The following GTF2E2 variants were observed in gnomAD, a reference collection of about 807,000 sequenced individuals.
The protein encoded by GTF2E2 is transcription initiation factor IIE subunit beta.
Under a neutral mutation model 40.5 loss-of-function variants are expected in GTF2E2, and 21 were observed. The observed-to-expected ratio is 0.52, with a 90% confidence interval of 0.37 to 0.75. The LOEUF (loss-of-function observed/expected upper bound fraction) is 0.75. Ranked by LOEUF, GTF2E2 falls within the 30% of genes least tolerant of loss-of-function variation. The pLI is 0.00. For missense variants in GTF2E2, 298 were observed against 338.4 expected, an observed-to-expected ratio of 0.88 and a Z score of 0.94; for synonymous variants, 117 against 121.6, an observed-to-expected ratio of 0.96 and a Z score of 0.25.
At chr8:30,605,134 C>T (rs1410243568) in intron 6 of GTF2E2, among the ~76,000 whole-genome samples, 1 of 152,178 alleles carries the variant, frequency 6.6e-6, no homozygotes, top group Non-Finnish European at 1.5e-5. Flanking sequence ...CAACCACCCG[C>T]CTCAAGTTAA....
chr8:30,646,397 C>T (rs1802076060), intron 2 of GTF2E2, among the ~76,000 whole-genome samples: 3 of 151,634 alleles, frequency 2.0e-5, no homozygotes, highest in Admixed American at 6.6e-5. Context: ...CCACTCAACA[C>T]CTGTTGAAAT....
Position 30,594,665 on chromosome 8 carries a change from C to A in GTF2E2, c.643+12392G>T, listed in dbSNP as rs577538436. On this transcript the variant is annotated intron_variant, in intron 6 of 7. Transcript: ENST00000355904. ...CTGAGGTCAGAAGTTCGAGACCAGC[C>A]CAACCAACATGAAGAAATCCTGTCT... Among the ~76,000 whole-genome samples the A allele has an allele frequency of 3.0e-4, 45 of 151,728 alleles. No individual in the cohort carries two copies. In the South Asian group the frequency reaches 4.2e-3, roughly 14 times the overall value.
chr8:30,629,513 C>T (rs1445359377), intron 3 of GTF2E2, among the ~76,000 whole-genome samples: 9 of 151,826 alleles, frequency 5.9e-5, no homozygotes, highest in East Asian at 3.9e-4. Flanking sequence ...GGTGAAACCC[C>T]GTCTCTACTA....
intron 3 of GTF2E2, among the ~76,000 whole-genome samples, chr8:30,633,620 A>G (rs553874056): frequency 5.9e-5 from 9 of 152,222 alleles, no homozygotes; most frequent in Non-Finnish European, 1.0e-4. Flanking sequence ...GTTATAAGTA[A>G]GCCACATAGG....
intron 6 of GTF2E2, among the ~76,000 whole-genome samples, chr8:30,599,150 C>T (rs1829097105): frequency 6.6e-6 from 1 of 152,156 alleles, no homozygotes; most frequent in African/African-American, 2.4e-5. Flanking sequence ...CCCAATTTTA[C>T]AACAGACATT....
At chr8:30,607,217 T>A (rs1007263699) in intron 5 of GTF2E2, 67 bp from the exon 6 acceptor site, 110 of 594,288 alleles carry the variant, frequency 1.9e-4, no homozygotes, top group South Asian at 7.8e-4. Context: ...AAAAAAAAAA[T>A]TTAAACAATA....
chr8:30,640,488 A>T (rs1801777280), intron 2 of GTF2E2, among the ~76,000 whole-genome samples: 1 of 151,550 alleles, frequency 6.6e-6, no homozygotes, highest in Non-Finnish European at 1.5e-5. Context: ...CACATATGCT[A>T]AAAAAAAATT....
intron 6 of GTF2E2, among the ~76,000 whole-genome samples, chr8:30,592,501 G>A (rs529863804): frequency 3.0e-4 from 46 of 152,138 alleles, no homozygotes; most frequent in Non-Finnish European, 5.7e-4. Context: ...TCAGCCTTTG[G>A]TATCCATGGG....
At chr8:30,580,427 A>G (rs1207807816) in intron 6 of GTF2E2, 31 bp from the exon 7 acceptor site, 3 of 1,188,418 alleles carry the variant, frequency 2.5e-6, no homozygotes, top group East Asian at 4.7e-5. Context: ...TTATTTTACA[A>G]TCCATTTTTA....
intron 2 of GTF2E2, 33 bp from the exon 3 acceptor site, chr8:30,635,156 T>C (rs1563501057): frequency 2.7e-6 from 3 of 1,115,600 alleles, no homozygotes; most frequent in Non-Finnish European, 4.1e-6. Flanking sequence ...CATCGTCATA[T>C]TATGTGTGAT....
intron 3 of GTF2E2, among the ~76,000 whole-genome samples, chr8:30,622,293 C>CGAA (rs1345664513): frequency 6.6e-6 from 1 of 151,772 alleles, no homozygotes; most frequent in Non-Finnish European, 1.5e-5. Context: ...TAAAGCTGGG[C>CGAA]GTCCAGGGGA....
intron 6 of GTF2E2, among the ~76,000 whole-genome samples, chr8:30,587,010 T>A (rs891656919): frequency 9.2e-5 from 14 of 152,136 alleles, no homozygotes; most frequent in African/African-American, 3.4e-4. Flanking sequence ...ACAACTGGGA[T>A]TACAACAAAC....
chr8:30,652,746 G>C (rs1346090541), intron 2 of GTF2E2, among the ~76,000 whole-genome samples: 3 of 152,128 alleles, frequency 2.0e-5, no homozygotes, highest in Admixed American at 6.6e-5. Flanking sequence ...TCTACACAAA[G>C]ACTTGTACAT....
intron 2 of GTF2E2, among the ~76,000 whole-genome samples, chr8:30,652,253 T>C (rs533025400): frequency 3.3e-5 from 5 of 152,150 alleles, no homozygotes; most frequent in African/African-American, 9.6e-5. Flanking sequence ...CTTTTGTACA[T>C]ACAAAGACAC....
intron 5 of GTF2E2, among the ~76,000 whole-genome samples, chr8:30,608,897 C>T (rs558255449): frequency 2.6e-5 from 4 of 152,152 alleles, no homozygotes; most frequent in South Asian, 2.1e-4. Flanking sequence ...TACAGGTGCC[C>T]GCCACCACGC....
At chr8:30,619,914 T>C (rs757811880) in intron 3 of GTF2E2, among the ~76,000 whole-genome samples, 20 of 152,142 alleles carry the variant, frequency 1.3e-4, no homozygotes, top group Admixed American at 7.2e-4. Flanking sequence ...GAGACATTAT[T>C]GCAGATTTCC....
intron 3 of GTF2E2, among the ~76,000 whole-genome samples, chr8:30,631,911 C>G (rs1321057709): frequency 6.6e-6 from 1 of 152,064 alleles, no homozygotes; most frequent in African/African-American, 2.4e-5. Context: ...AGTTCAAGAC[C>G]AAGCTGGGCA....
At chr8:30,655,008 A>C (rs1365272952) in intron 1 of GTF2E2, among the ~76,000 whole-genome samples, 1 of 152,150 alleles carries the variant, frequency 6.6e-6, no homozygotes. Context: ...TGGGAGGCTG[A>C]GAGACCAGCC....
intron 3 of GTF2E2, among the ~76,000 whole-genome samples, chr8:30,616,468 TAA>T (rs935170887): frequency 1.4e-5 from 2 of 138,318 alleles, no homozygotes; most frequent in Non-Finnish European, 3.1e-5. Flanking sequence ...AATTAAAAAT[TAA>T]AAAAAGTTTA....
Sources: gnomAD v4.1 joint callset for allele counts (sites outside exome capture counted in the v4.1 genomes callset) on GRCh38, gnomAD v4.1.1 for gene constraint, MANE v1.5 for transcripts, NCBI Gene and HGNC (gene_info 2026-07-23, HGNC 2026-07-21) for gene names.